Variants in MVB12A observed in about 807,000 individuals in gnomAD.
The protein encoded by MVB12A is CIN85/CD2AP family binding protein.
MVB12A carries 30 observed loss-of-function variants against 34.3 expected under a neutral mutation model. The ratio of observed to expected loss-of-function variants is 0.88; its 90% CI spans 0.65 to 1.19. MVB12A has a LOEUF of 1.19. Among genes scored for constraint, MVB12A ranks in the 50% most tolerant of loss-of-function variants. The pLI is 0.00. For synonymous variants in MVB12A, 158 were observed against 158.9 expected (o/e 0.99, Z 0.04); for missense variants, 355 against 369.2 (o/e 0.96, Z 0.31).
At position 17,425,077 on chromosome 19, in the gene MVB12A, C is replaced by T. The variant is rs374028428; in HGVS notation, c.*84C>T. On this transcript the variant is annotated 3_prime_UTR_variant, in exon 9 of 9. Coordinates refer to ENST00000317040, the MANE Select transcript of MVB12A (RefSeq NM_138401.4). ...ACCCCCCCTCACTGCATCCTGGGGC[C>T]ACCCCCACTCACTGCATCCTGGGAA... The T allele has an allele frequency of 4.2e-3, 1,991 of 477,254 alleles. 44 individuals are homozygous for T. In the South Asian group the frequency reaches 0.062, roughly 15 times the overall value. The allele number at this position is 477,254 out of a possible 1,614,324, so 29.6% of individuals were successfully genotyped here. A position where few individuals can be genotyped will look rare whatever the true frequency, so the allele number is the denominator to read the frequency against.
chr19:17,420,559 G>T lies in MVB12A; in HGVS notation c.211G>T (p.Ala71Ser), dbSNP rs779705818. The T allele has an allele frequency of 6.2e-6, 10 of 1,614,006 alleles. No individual in the cohort carries two copies. The South Asian group carries it at 9.9e-5, about 16-fold the overall frequency. Residue 71 changes from alanine (A) to serine (S), a missense_variant, in exon 3 of 9, where the codon GCC becomes TCC. Ala to Ser is a moderately conservative substitution (Grantham distance 99). Coordinates refer to ENST00000317040, the MANE Select transcript of MVB12A (RefSeq NM_138401.4). ...SLENPQENVV[A>S]DIQIVVDKSP... ...CCAGAACCCGCAGGAGAACGTGGTG[G>T]CCGATATCCAGATCGTGGTGGACAA...
At chr19:17,419,736 T>G (rs1443844823), upstream of MVB12A, 2 of 156,012 alleles carry the variant, frequency 1.3e-5, no homozygotes, top group Non-Finnish European at 2.8e-5. Context: ...AGCTCCCAAC[T>G]TTTCCGTTAA....
intron 2 of MVB12A, chr19:17,414,363 A>C (rs1208734651): frequency 6.6e-6 from 1 of 152,154 alleles, no homozygotes; most frequent in African/African-American, 2.4e-5. Flanking sequence ...TCTCACACCT[A>C]TCACAGGTAT....
At position 17,422,377 on chromosome 19, in the gene MVB12A, C is replaced by G; in HGVS notation, c.332C>G (p.Pro111Arg). The change falls in exon 4 of 9, where the codon CCC becomes CGC. Residue 111 changes from proline to arginine, a missense_variant. By Grantham distance (103) the Pro-to-Arg change is moderately radical (BLOSUM62 -2). Coordinates refer to ENST00000317040, the MANE Select transcript of MVB12A (RefSeq NM_138401.4). ...KKKRMCVKLLPLGATDTAVFD... is the reference protein window; with the variant it reads ...KKKRMCVKLLRLGATDTAVFD... ...AAACGCATGTGTGTGAAGCTGTTGC[C>G]CCTGGGAGCCACGGACACGGCTGTG... 1 of 1,613,614 alleles carries G rather than the reference C, an allele frequency of 6.2e-7. No homozygotes were observed. Among genetic ancestry groups the G allele is most frequent in the Non-Finnish European group, 8.5e-7 (1 of 1,179,776 alleles).
chr19:17,420,713 G>T (rs1206007230), intron 3 of MVB12A, 79 bp downstream of exon 3: 2 of 1,020,510 alleles, frequency 2.0e-6, no homozygotes, highest in Non-Finnish European at 3.0e-6. Context: ...CGGGCGCGCG[G>T]TATCTGAGCC....
At position 17,425,007 on chromosome 19, in the gene MVB12A, C is replaced by T. The variant is rs1162436720; in HGVS notation, c.*14C>T. On this transcript the variant is annotated 3_prime_UTR_variant, in exon 9 of 9. Coordinates refer to ENST00000317040, the MANE Select transcript of MVB12A (RefSeq NM_138401.4). ...AGCGTCTCATAGTCCCTCACCCTTCCGCGGAAAGAGCCCCCTTACTCCACC... is the reference window on the plus strand; with the variant it reads ...AGCGTCTCATAGTCCCTCACCCTTCTGCGGAAAGAGCCCCCTTACTCCACC... The T allele has an allele frequency of 2.5e-6, 4 of 1,571,334 alleles. No homozygotes were observed. The highest frequency in any genetic ancestry group is 3.5e-6 in the Non-Finnish European group (4 of 1,151,296).
chr19:17,416,891 G>A (rs2074803454), upstream of MVB12A: 1 of 170,688 alleles, frequency 5.9e-6, no homozygotes, highest in Non-Finnish European at 1.3e-5. Flanking sequence ...AGTAGAGATG[G>A]GGTTTCACCA....
At chr19:17,423,965 T>C in intron 6 of MVB12A, 41 bp from the exon 7 acceptor site, 4 of 1,608,368 alleles carry the variant, frequency 2.5e-6, no homozygotes, top group African/African-American at 1.3e-5. Context: ...GGGTGGGCAG[T>C]TCCCTACACC....
In MVB12A at chr19:17,420,154, A is replaced by G. The variant is rs963102104; in HGVS notation, c.19A>G (p.Thr7Ala). MDPVPGTDSAPLAGLAW... is the reference protein window; with the variant it reads MDPVPGADSAPLAGLAW... Reference sequence around the variant, plus strand: ...TCGCAGGATGGATCCCGTACCCGGGACAGACTCGGCGCCGCTGGCTGGCCT... The same window carrying G: ...TCGCAGGATGGATCCCGTACCCGGGGCAGACTCGGCGCCGCTGGCTGGCCT... The change falls in exon 1 of 9, where the codon ACA becomes GCA. Residue 7 changes from threonine to alanine, a missense_variant. Thr to Ala is a moderately conservative substitution (Grantham distance 58, BLOSUM62 0). Transcript: ENST00000317040. The G allele has an allele frequency of 2.3e-5, 32 of 1,384,590 alleles. No individual in the cohort carries two copies. Among genetic ancestry groups the G allele is most frequent in the Non-Finnish European group, 2.8e-5 (30 of 1,075,150 alleles). 85.8% of individuals were successfully genotyped at this position (1,384,590 alleles called of 1,614,324 possible). A position where few individuals can be genotyped will look rare whatever the true frequency, so the allele number is the denominator to read the frequency against.
intron 2 of MVB12A, among the ~76,000 whole-genome samples, chr19:17,408,565 GCCT>G (rs989285355): frequency 6.7e-6 from 1 of 150,318 alleles, no homozygotes; most frequent in Non-Finnish European, 1.5e-5. Flanking sequence ...CCCTGCCTCA[GCCT>G]CCTGAGTAGC....
chr19:17,422,050 C>T (rs2074841705), intron 3 of MVB12A: 2 of 279,950 alleles, frequency 7.1e-6, no homozygotes, highest in Admixed American at 5.1e-5. Flanking sequence ...TTGAGGGCCA[C>T]GATGGGCACC....
intron 4 of MVB12A, 94 bp downstream of exon 4, chr19:17,422,552 G>A (rs1037760852): frequency 2.4e-6 from 3 of 1,259,278 alleles, no homozygotes; most frequent in Non-Finnish European, 1.1e-6. Context: ...GAGGTCTCCT[G>A]TTCCTTCTTC....
Position 17,423,683 on chromosome 19 carries a change from C to G in MVB12A, c.534-10C>G. 1 of 1,613,736 alleles carries G rather than the reference C, an allele frequency of 6.2e-7. No individual in the cohort carries two copies. On this transcript the variant is annotated splice_polypyrimidine_tract_variant and intron_variant, in intron 5 of 8. Coordinates refer to ENST00000317040, the MANE Select transcript of MVB12A (RefSeq NM_138401.4). ...AGGATGAGGCTTAACCTGAGTCATC[C>G]CACCTCCAGTAAGGGCGGCCTCCTG...
At position 17,425,090 on chromosome 19, in the gene MVB12A, TG is replaced by T; in HGVS notation, c.*98del. On this transcript the variant is annotated 3_prime_UTR_variant, in exon 9 of 9. Transcript: ENST00000317040. ...GCATCCTGGGGCCACCCCCACTCAC[TG>T]CATCCTGGGAACCTTCGCCCTGCAA... 2 of 561,434 alleles carry T rather than the reference TG, an allele frequency of 3.6e-6. No homozygotes were observed. Among genetic ancestry groups the T allele is most frequent in the Non-Finnish European group, 6.0e-6 (2 of 331,604 alleles). The allele number at this position is 561,434 out of a possible 1,614,324, so 34.8% of individuals were successfully genotyped here.
chr19:17,418,415 C>A (rs2074815597), upstream of MVB12A: 3 of 71,876 alleles, frequency 4.2e-5, no homozygotes, highest in South Asian at 1.3e-3. Flanking sequence ...ATTATTGAGA[C>A]GAGTTTCGCT....
chr19:17,424,046 G>A lies in MVB12A; in HGVS notation c.681G>A (p.Glu227=), dbSNP rs2074855330. Residue 227 remains glutamate (E), a synonymous_variant, in exon 7 of 9, where the codon GAG becomes GAA. Transcript: ENST00000317040. ...GVPFTLHPRF[E]GKSCSPLAFS... ...CCTTCACACTCCACCCACGATTTGA[G>A]GGCAAGAGCTGCAGCCCCCTGGTGA... is the stretch of plus-strand genomic sequence containing the variant. 6.2e-7 allele frequency: 1 copy of A among 1,614,126 alleles called. No individual in the cohort carries two copies.
chr19:17,412,502 A>G (rs2074775594), intron 2 of MVB12A, among the ~76,000 whole-genome samples: 1 of 151,984 alleles, frequency 6.6e-6, no homozygotes, highest in South Asian at 2.1e-4. Context: ...CCTGGCTTCA[A>G]GTGTTCCACC....
upstream of MVB12A, chr19:17,417,871 G>T: frequency 3.1e-6 from 1 of 318,762 alleles, no homozygotes; most frequent in South Asian, 2.9e-5. Flanking sequence ...AAAATTGACA[G>T]GGACCTCTGG....
chr19:17,421,181 C>CTTTT (rs10679842), intron 3 of MVB12A: 5,442 of 302,804 alleles, frequency 0.018, 33 homozygotes, highest in African/African-American at 0.025. Context: ...GTTGGCAAAC[C>CTTTT]TTTTTTTTTT....
Sources: allele counts gnomAD v4.1 joint callset (sites outside exome capture counted in the v4.1 genomes callset), GRCh38; gene constraint gnomAD v4.1.1; transcripts MANE v1.5; gene names NCBI Gene and HGNC (gene_info 2026-07-23, HGNC 2026-07-21).